Variants in SH3BGR observed in about 807,000 individuals in gnomAD.
SH3BGR encodes the protein SH3 domain binding glutamate rich protein.
SH3BGR carries 29 observed loss-of-function variants against 24.5 expected under a neutral mutation model. That is an observed-to-expected ratio of 1.18 (90% confidence interval 0.88 to 1.61). The LOEUF is 1.61. SH3BGR is among the 40% of genes most tolerant of loss of function. The pLI, the probability that SH3BGR is intolerant of heterozygous loss-of-function variation, is 0.00. For missense variants in SH3BGR, 162 were observed against 205.8 expected (o/e 0.79, Z 1.30); for synonymous variants, 55 against 65.7 (o/e 0.84, Z 0.79).
At chr21:39,459,832 G>A (rs992572054) in intron 1 of SH3BGR, among the ~76,000 whole-genome samples, 2 of 152,132 alleles carry the variant, frequency 1.3e-5, no homozygotes, top group African/African-American at 4.8e-5. Flanking sequence ...GCCTCCCAAA[G>A]TGCTGGGATT....
intron 1 of SH3BGR, among the ~76,000 whole-genome samples, chr21:39,457,255 A>G (rs1387584609): frequency 1.4e-5 from 2 of 142,686 alleles, no homozygotes; most frequent in East Asian, 2.0e-4. Context: ...TTATTATATT[A>G]TATTGTTATA....
At chr21:39,484,850 C>T (rs368378384) in intron 3 of SH3BGR, among the ~76,000 whole-genome samples, 13 of 152,244 alleles carry the variant, frequency 8.5e-5, no homozygotes, top group South Asian at 6.2e-4. Context: ...TTTGAAAAGA[C>T]GACATCTGAT....
chr21:39,458,349 T>A (rs1028808543), intron 1 of SH3BGR, among the ~76,000 whole-genome samples: 12 of 151,976 alleles, frequency 7.9e-5, no homozygotes, highest in African/African-American at 2.2e-4. Context: ...TTATTTTTTT[T>A]AAAATTTGAG....
chr21:39,474,890 G>GGTGT lies in SH3BGR; in HGVS notation c.232-231_232-228dup, dbSNP rs3830679. 3.8e-3 allele frequency among the ~76,000 whole-genome samples: 567 copies of GGTGT among 150,444 alleles called. 6 individuals carry two copies. Among genetic ancestry groups the GGTGT allele is most frequent in the East Asian group, 0.035 (179 of 5,122 alleles). On this transcript the variant is annotated intron_variant, in intron 2 of 6. Transcript: ENST00000333634. The stretch of plus-strand genomic sequence containing the variant: ...TCAGCAATTCCTGAGCATGGGTAGG[G>GGTGT]GTGTGTGTGTGTGTGTGCTCTTGCT...
At chr21:39,507,650 A>T (rs1262410227) in intron 4 of SH3BGR, among the ~76,000 whole-genome samples, 1 of 150,494 alleles carries the variant, frequency 6.6e-6, no homozygotes, top group African/African-American at 2.5e-5. Context: ...TGTGATTTTT[A>T]AAATTTTACT....
At chr21:39,494,120 C>G (rs1316079639) in intron 3 of SH3BGR, among the ~76,000 whole-genome samples, 2 of 152,252 alleles carry the variant, frequency 1.3e-5, no homozygotes, top group Middle Eastern at 3.4e-3. Context: ...ACATTGCCAT[C>G]ATATGCATCC....
At chr21:39,490,870 C>G (rs542503767) in intron 3 of SH3BGR, among the ~76,000 whole-genome samples, 1 of 152,014 alleles carries the variant, frequency 6.6e-6, no homozygotes, top group East Asian at 1.9e-4. Flanking sequence ...GTAGCTGGGA[C>G]TACAGGCATG....
rs1224902471 is a variant in SH3BGR, at chr21:39,470,223, T to C, written c.232-4912T>C. 2.6e-5 allele frequency among the ~76,000 whole-genome samples: 4 copies of C among 151,846 alleles called. No homozygotes were observed. The East Asian group carries it at 5.8e-4, about 22-fold the overall frequency. Reference sequence around the variant, plus strand: ...AGCTATTTTAACATACATACTTAAATTAGTTAAAGATAATCAGTAACCTTA... The same window carrying C: ...AGCTATTTTAACATACATACTTAAACTAGTTAAAGATAATCAGTAACCTTA... On this transcript the variant is annotated intron_variant, in intron 2 of 6. Coordinates refer to ENST00000333634, the MANE Select transcript of SH3BGR (RefSeq NM_007341.3).
upstream of SH3BGR, among the ~76,000 whole-genome samples, chr21:39,448,139 C>T (rs1427815600): frequency 6.6e-6 from 1 of 152,182 alleles, no homozygotes; most frequent in Non-Finnish European, 1.5e-5. Context: ...GACAACCAGT[C>T]ATTGGACTTA....
At chr21:39,497,733 G>C (rs944178430) in intron 3 of SH3BGR, among the ~76,000 whole-genome samples, 5 of 152,068 alleles carry the variant, frequency 3.3e-5, no homozygotes, top group African/African-American at 1.2e-4. Context: ...TAAAAAATAT[G>C]CCCTTATTTC....
chr21:39,497,644 AAAG>A (rs982938800), intron 3 of SH3BGR, among the ~76,000 whole-genome samples: 2 of 152,152 alleles, frequency 1.3e-5, no homozygotes, highest in African/African-American at 4.8e-5. Context: ...TGTCTACAAA[AAAG>A]AAAAAAATCA....
intron 2 of SH3BGR, among the ~76,000 whole-genome samples, chr21:39,467,808 GTAGTCCT>G (rs2077868469): frequency 6.6e-6 from 1 of 152,166 alleles, no homozygotes; most frequent in Admixed American, 6.5e-5. Flanking sequence ...GACATCAAGG[GTAGTCCT>G]CAGTGCCTTC....
At chr21:39,456,862 G>A (rs1602067855) in intron 1 of SH3BGR, among the ~76,000 whole-genome samples, 1 of 152,088 alleles carries the variant, frequency 6.6e-6, no homozygotes, top group Non-Finnish European at 1.5e-5. Context: ...TAAGTGTTGT[G>A]TTGTGGCAAA....
chr21:39,486,915 A>AGCAT (rs1365716475), intron 3 of SH3BGR, among the ~76,000 whole-genome samples: 1 of 152,072 alleles, frequency 6.6e-6, no homozygotes, highest in Non-Finnish European at 1.5e-5. Context: ...ACGGGGTTTC[A>AGCAT]GCATGTTGGC....
At chr21:39,459,999 A>T (rs775757669) in intron 1 of SH3BGR, among the ~76,000 whole-genome samples, 2 of 152,244 alleles carry the variant, frequency 1.3e-5, no homozygotes, top group Admixed American at 6.5e-5. Flanking sequence ...TTGAAGAAAG[A>T]AAATTGTAAT....
At position 39,515,425 on chromosome 21, in the gene SH3BGR, A is replaced by G. The variant is rs1315187392; in HGVS notation, c.*372A>G. ...AATAGTATTTCTTCAAATGCGCCTT[A>G]TGCTACTTATCTCAGAAACAGGTTT... On this transcript the variant is annotated 3_prime_UTR_variant, in exon 7 of 7. Coordinates refer to ENST00000333634, the MANE Select transcript of SH3BGR (RefSeq NM_007341.3). The G allele has an allele frequency of 6.9e-5, 11 of 158,850 alleles. No homozygotes were observed. Among genetic ancestry groups the G allele is most frequent in the Non-Finnish European group, 7.0e-5 (5 of 71,906 alleles). 9.8% of individuals were successfully genotyped at this position (158,850 alleles called of 1,614,324 possible).
chr21:39,474,782 A>G lies in SH3BGR; in HGVS notation c.232-353A>G, dbSNP rs566373106. 9.2e-5 allele frequency among the ~76,000 whole-genome samples: 14 copies of G among 152,282 alleles called. 1 individual carries two copies. In the South Asian group the frequency reaches 2.3e-3, roughly 25 times the overall value. The stretch of plus-strand genomic sequence containing the variant: ...TCTCAGTCTCAGCTGATCAGGGACC[A>G]TATGCATAGGGCCAGATTATAAGTA... On this transcript the variant is annotated intron_variant, in intron 2 of 6. Coordinates refer to ENST00000333634, the MANE Select transcript of SH3BGR (RefSeq NM_007341.3).
upstream of SH3BGR, among the ~76,000 whole-genome samples, chr21:39,448,193 C>T (rs1183627158): frequency 6.6e-6 from 1 of 152,194 alleles, no homozygotes; most frequent in Non-Finnish European, 1.5e-5. Context: ...AAGACCCCCT[C>T]AACTGATTAC....
At chr21:39,448,283 C>G (rs1207049148), upstream of SH3BGR, among the ~76,000 whole-genome samples, 3 of 152,092 alleles carry the variant, frequency 2.0e-5, no homozygotes, top group Non-Finnish European at 4.4e-5. Flanking sequence ...AATATTCAAC[C>G]CACTACAGTT....
Sources: gnomAD v4.1 joint callset for allele counts (sites outside exome capture counted in the v4.1 genomes callset) on GRCh38, gnomAD v4.1.1 for gene constraint, MANE v1.5 for transcripts, NCBI Gene and HGNC (gene_info 2026-07-23, HGNC 2026-07-21) for gene names.